RYR2: variants seen among roughly 807,000 people sequenced by gnomAD.
RYR2 encodes the protein cardiac muscle ryanodine receptor-calcium release channel.
Under a neutral mutation model 601.1 loss-of-function variants are expected in RYR2, and 227 were observed. The ratio of observed to expected loss-of-function variants is 0.38; its 90% CI spans 0.34 to 0.42. RYR2 has a LOEUF of 0.42. Ranked by LOEUF, RYR2 falls within the 10% of genes least tolerant of loss-of-function variation. The probability of loss-of-function intolerance (pLI) is 1.00; values close to 1 mark genes in which losing one functional copy is unlikely to be tolerated. For missense variants in RYR2, 4,646 were observed against 6,156.5 expected (o/e 0.75, Z 8.21); for synonymous variants, 2,223 against 2,175.1 (o/e 1.02, Z -0.61).
chr1:237,627,223 T>A (rs1330378077), intron 40 of RYR2, among the ~76,000 whole-genome samples: 1 of 152,198 alleles, frequency 6.6e-6, no homozygotes, highest in Non-Finnish European at 1.5e-5. Context: ...GCAAAGTAAT[T>A]TTCTGTGTAT....
rs2779364 is a variant in RYR2 at position 237,530,179 on chromosome 1, C to T, written c.2823-248C>T. ...ACAAAAAATTAGCCGGGTGTGGTGG[C>T]GGGCACCTGTAGTCCTGGCTACTTG... is the stretch of plus-strand genomic sequence containing the variant. On this transcript the variant is annotated intron_variant, in intron 24 of 104. Coordinates refer to ENST00000366574, the MANE Select transcript of RYR2 (RefSeq NM_001035.3). Among the ~76,000 whole-genome samples the T allele has an allele frequency of 0.79, 119,271 of 151,434 alleles. 47,109 individuals are homozygous for T. The highest frequency in any genetic ancestry group is 0.9 in the East Asian group (4,593 of 5,088).
intron 84 of RYR2, among the ~76,000 whole-genome samples, chr1:237,763,732 A>G (rs933899628): frequency 6.6e-6 from 1 of 152,206 alleles, no homozygotes; most frequent in Non-Finnish European, 1.5e-5. Flanking sequence ...CAAGAGACCT[A>G]TTAGGAGCAT....
At chr1:237,399,607 C>T (rs771072857) in intron 10 of RYR2, among the ~76,000 whole-genome samples, 3 of 152,214 alleles carry the variant, frequency 2.0e-5, no homozygotes, top group Non-Finnish European at 2.9e-5. Context: ...CAATCAAGTT[C>T]GCAAGTGCAC....
intron 1 of RYR2, among the ~76,000 whole-genome samples, chr1:237,139,501 A>G (rs1022849063): frequency 6.6e-6 from 1 of 152,360 alleles, no homozygotes; most frequent in African/African-American, 2.4e-5. Context: ...TTTATGAATT[A>G]TATCTCAAGC....
intron 25 of RYR2, among the ~76,000 whole-genome samples, chr1:237,533,728 G>A (rs534068742): frequency 6.6e-6 from 1 of 152,120 alleles, no homozygotes; most frequent in South Asian, 2.1e-4. Flanking sequence ...TACATACTTC[G>A]ATAAGGACTG....
chr1:237,253,181 A>AT (rs1491204684), intron 1 of RYR2, among the ~76,000 whole-genome samples: 21 of 143,756 alleles, frequency 1.5e-4, no homozygotes, highest in African/African-American at 5.3e-4. Context: ...AAAAAAAAAA[A>AT]CAACAACAAA....
At chr1:237,363,773 CTG>C (rs1048899263) in intron 4 of RYR2, among the ~76,000 whole-genome samples, 107 of 152,174 alleles carry the variant, frequency 7.0e-4, no homozygotes, top group African/African-American at 2.4e-3. Context: ...TGAAAGGAGA[CTG>C]TGTCATTTTA....
intron 17 of RYR2, among the ~76,000 whole-genome samples, chr1:237,473,492 T>C (rs933810636): frequency 2.9e-4 from 40 of 135,792 alleles, no homozygotes; most frequent in Non-Finnish European, 6.0e-4. Flanking sequence ...ATATATGTAC[T>C]TATTAAATTA....
intron 12 of RYR2, among the ~76,000 whole-genome samples, chr1:237,440,461 A>G (rs1434536343): frequency 6.6e-6 from 1 of 152,200 alleles, no homozygotes; most frequent in East Asian, 1.9e-4. Context: ...ACTTTAAGAC[A>G]TAGTGAGTTC....
At chr1:237,516,112 CTTAT>C (rs1017241813) in intron 24 of RYR2, among the ~76,000 whole-genome samples, 2 of 151,378 alleles carry the variant, frequency 1.3e-5, no homozygotes, top group Admixed American at 6.6e-5. Context: ...AACTTACTTA[CTTAT>C]TTATTTGTTT....
At chr1:237,333,899 A>C (rs373890053) in intron 3 of RYR2, among the ~76,000 whole-genome samples, 5 of 152,224 alleles carry the variant, frequency 3.3e-5, no homozygotes, top group South Asian at 4.1e-4. Flanking sequence ...TCAGATGAAC[A>C]GTGAGTCAAA....
intron 1 of RYR2, among the ~76,000 whole-genome samples, chr1:237,053,403 G>A (rs989689567): frequency 7.9e-5 from 12 of 152,314 alleles, no homozygotes; most frequent in Middle Eastern, 3.4e-3. Context: ...TTGTGACAGG[G>A]AAGGGGCCAT....
chr1:237,806,691 A>G (rs1355185382), intron 99 of RYR2, among the ~76,000 whole-genome samples: 1 of 152,214 alleles, frequency 6.6e-6, no homozygotes, highest in Non-Finnish European at 1.5e-5. Flanking sequence ...CACTCATTGT[A>G]TTCGTTGTAA....
intron 56 of RYR2, among the ~76,000 whole-genome samples, chr1:237,661,936 C>T (rs910009335): frequency 4.8e-4 from 73 of 152,234 alleles, no homozygotes; most frequent in African/African-American, 1.7e-3. Flanking sequence ...AGCTGCTTAC[C>T]TTTGACCCCC....
chr1:237,627,092 G>C (rs1016226384), intron 40 of RYR2, among the ~76,000 whole-genome samples: 3 of 152,142 alleles, frequency 2.0e-5, no homozygotes, highest in Non-Finnish European at 4.4e-5. Context: ...TTAATACTAG[G>C]ATTAAGTGCC....
At chr1:237,763,392 C>T (rs1176354209) in intron 84 of RYR2, among the ~76,000 whole-genome samples, 4 of 152,160 alleles carry the variant, frequency 2.6e-5, no homozygotes, top group South Asian at 2.1e-4. Context: ...GTCTCCTCCT[C>T]GCCAGTGTGC....
At chr1:237,456,950 A>T (rs1345670070) in intron 16 of RYR2, among the ~76,000 whole-genome samples, 2 of 152,106 alleles carry the variant, frequency 1.3e-5, no homozygotes, top group African/African-American at 2.4e-5. Flanking sequence ...AAAGCAAAAA[A>T]AATCACATAA....
At chr1:237,715,423 C>T (rs1196539291) in intron 71 of RYR2, among the ~76,000 whole-genome samples, 2 of 152,200 alleles carry the variant, frequency 1.3e-5, no homozygotes. Flanking sequence ...ATTTACTACT[C>T]TTTCCAGTTA....
chr1:237,503,336 C>G lies in RYR2; in HGVS notation c.2444C>G (p.Pro815Arg). The change falls in exon 22 of 105, where the codon CCT (proline) becomes CGT (arginine). Residue 815 changes from proline (P) to arginine (R), a missense_variant. By Grantham distance (103) the Pro-to-Arg change is moderately radical (BLOSUM62 -2). This residue lies in a region of RYR2 where 1,807 missense variants were observed against 2,088.1 expected (regional missense o/e 0.87). Coordinates refer to ENST00000366574, the MANE Select transcript of RYR2 (RefSeq NM_001035.3). ...GGRHGEFKFL[P>R]PPGYAPCYEA... ...CGACATGGAGAATTCAAATTTCTTC[C>G]TCCACCTGGGTATGCTCCTTGTTAT... is the stretch of plus-strand genomic sequence containing the variant. 1 of 1,613,736 alleles carries G rather than the reference C, an allele frequency of 6.2e-7. No individual in the cohort carries two copies. Among genetic ancestry groups the G allele is most frequent in the Non-Finnish European group, 8.5e-7 (1 of 1,179,782 alleles).
Sources: allele counts gnomAD v4.1 joint callset (sites outside exome capture counted in the v4.1 genomes callset), GRCh38; gene constraint gnomAD v4.1.1; regional missense constraint gnomAD v4.1.1; transcripts MANE v1.5; gene names NCBI Gene and HGNC (gene_info 2026-07-23, HGNC 2026-07-21).